Variants in ZMYM4 observed in about 807,000 individuals in gnomAD.
ZMYM4 encodes zinc finger MYM-type containing 4.
A neutral mutation model predicts 183.2 loss-of-function variants in ZMYM4; 31 were observed. That is an observed-to-expected ratio of 0.17 (90% CI 0.13 to 0.23). The LOEUF is 0.23. Ranked by LOEUF, ZMYM4 falls within the 10% of genes least tolerant of loss-of-function variation. ZMYM4 has a pLI of 1.00. For synonymous variants in ZMYM4, 592 were observed against 631.2 expected (o/e 0.94, Z 0.93); for missense variants, 1,273 against 1,840.3 (o/e 0.69, Z 5.64).
chr1:35,270,355 A>G (rs6679289), intron 1 of ZMYM4, among the ~76,000 whole-genome samples: 9,552 of 152,254 alleles, frequency 0.063, 910 homozygotes, highest in East Asian at 0.44. Flanking sequence ...AAGAAGTGTC[A>G]AGTATTATTT....
Position 35,381,716 on chromosome 1 carries a change from TAAG to T in ZMYM4, c.1531_1533del (p.Lys511del). The T allele has an allele frequency of 6.2e-7, 1 of 1,614,234 alleles. No homozygotes were observed. The highest frequency in any genetic ancestry group is 8.5e-7 in the Non-Finnish European group (1 of 1,180,044). ...ACATGCTTCAGATAGAGGGACAGTCTAAGAAGTTTTGTAGTTCATCGTGTATCA... is the reference window on the plus strand; with the variant it reads ...ACATGCTTCAGATAGAGGGACAGTCTAAGTTTTGTAGTTCATCGTGTATCA... On this transcript the variant is annotated inframe_deletion, in exon 9 of 30. Coordinates refer to ENST00000314607, the MANE Select transcript of ZMYM4 (RefSeq NM_005095.3).
At chr1:35,290,572 G>C (rs1478103204) in intron 1 of ZMYM4, among the ~76,000 whole-genome samples, 3 of 152,084 alleles carry the variant, frequency 2.0e-5, no homozygotes, top group African/African-American at 7.2e-5. Context: ...TAGGACTAGA[G>C]GTGCATGCCA....
chr1:35,410,456 A>T (rs199888706), intron 26 of ZMYM4, among the ~76,000 whole-genome samples: 1 of 151,120 alleles, frequency 6.6e-6, no homozygotes. Flanking sequence ...TGACAAATAT[A>T]TATTTATTTA....
intron 1 of ZMYM4, among the ~76,000 whole-genome samples, chr1:35,307,476 T>TA (rs914311928): frequency 2.7e-5 from 4 of 150,750 alleles, no homozygotes; most frequent in South Asian, 2.1e-4. Flanking sequence ...TGCAGTACTT[T>TA]AAAAAAAAAT....
At position 35,339,931 on chromosome 1, in the gene ZMYM4, T is replaced by C. The variant is rs182631295; in HGVS notation, c.85+14526T>C. Among the ~76,000 whole-genome samples the C allele has an allele frequency of 5.3e-4, 80 of 151,918 alleles. No individual in the cohort carries two copies. The Middle Eastern group carries it at 0.01, about 19-fold the overall frequency. ...GGCATTTCCCCACATTCTCAGTTAA[T>C]GTTTTCTTGGACTGTTTGTTTGTTT... On this transcript the variant is annotated intron_variant, in intron 2 of 29. Transcript: ENST00000314607.
intron 27 of ZMYM4, 26 bp downstream of exon 27, chr1:35,414,109 T>C: frequency 7.7e-7 from 1 of 1,302,000 alleles, no homozygotes; most frequent in South Asian, 1.3e-5. Flanking sequence ...TTTTATTGTT[T>C]TCATGATATG....
intron 1 of ZMYM4, among the ~76,000 whole-genome samples, chr1:35,279,181 A>T (rs1422458228): frequency 1.3e-5 from 2 of 152,146 alleles, no homozygotes; most frequent in Non-Finnish European, 2.9e-5. Flanking sequence ...GAAGGGTTGC[A>T]CATGTTTGTA....
chr1:35,331,924 G>A (rs1321454775), intron 2 of ZMYM4, among the ~76,000 whole-genome samples: 1 of 151,802 alleles, frequency 6.6e-6, no homozygotes, highest in Non-Finnish European at 1.5e-5. Flanking sequence ...TAGGATAAGA[G>A]GGTGGTAAAA....
Position 35,397,508 on chromosome 1 carries a change from T to A in ZMYM4, c.3162T>A (p.Ile1054=). The change falls in exon 20 of 30, where the codon ATT becomes ATA. Residue 1054 remains isoleucine, a synonymous_variant. Transcript: ENST00000314607. Reference sequence around the variant, plus strand: ...ATCTCCTTGAGATGGCAGAAATGATTGCAGAAGATGAAGAGAAGAAGACTC... The same window carrying A: ...ATCTCCTTGAGATGGCAGAAATGATAGCAGAAGATGAAGAGAAGAAGACTC... ...EADLLEMAEM[I]AEDEEKKTLS... The A allele has an allele frequency of 6.2e-7, 1 of 1,613,252 alleles. No homozygotes were observed. The highest frequency in any genetic ancestry group is 8.5e-7 in the Non-Finnish European group (1 of 1,179,568).
chr1:35,393,120 G>A (rs1407693322), intron 17 of ZMYM4, among the ~76,000 whole-genome samples: 3 of 152,074 alleles, frequency 2.0e-5, no homozygotes, highest in African/African-American at 7.2e-5. Flanking sequence ...AATAAATAAT[G>A]AGAAAAACTT....
chr1:35,322,607 TA>T (rs1404762654), intron 1 of ZMYM4, among the ~76,000 whole-genome samples: 1 of 152,174 alleles, frequency 6.6e-6, no homozygotes, highest in Non-Finnish European at 1.5e-5. Flanking sequence ...AAAGTTTCAG[TA>T]GAAATAGTGC....
chr1:35,319,416 G>C (rs554317359), intron 1 of ZMYM4, among the ~76,000 whole-genome samples: 1 of 152,212 alleles, frequency 6.6e-6, no homozygotes, highest in Non-Finnish European at 1.5e-5. Context: ...GAGGCCAGGA[G>C]TTCAAGACCA....
chr1:35,370,695 CA>C, intron 7 of ZMYM4, 68 bp downstream of exon 7: 1 of 662,546 alleles, frequency 1.5e-6, no homozygotes, highest in Non-Finnish European at 2.2e-6. Flanking sequence ...GTTCTTAGGT[CA>C]TGTATTACAT....
intron 13 of ZMYM4, among the ~76,000 whole-genome samples, chr1:35,388,386 G>T (rs1037482822): frequency 6.6e-6 from 1 of 152,116 alleles, no homozygotes; most frequent in Non-Finnish European, 1.5e-5. Flanking sequence ...TGTATTTTTA[G>T]TAGAGACAGG....
chr1:35,404,926 A>G, intron 23 of ZMYM4, 97 bp from the exon 24 acceptor site: 1 of 1,231,136 alleles, frequency 8.1e-7, no homozygotes, highest in South Asian at 2.0e-5. Context: ...TAAATTCTTT[A>G]TTCTACAAAT....
At chr1:35,299,758 C>T (rs894951407) in intron 1 of ZMYM4, among the ~76,000 whole-genome samples, 1 of 151,546 alleles carries the variant, frequency 6.6e-6, no homozygotes, top group Non-Finnish European at 1.5e-5. Flanking sequence ...TGATTGGTTG[C>T]AGAAAGCAAC....
chr1:35,395,421 C>A (rs1644791809), intron 18 of ZMYM4, among the ~76,000 whole-genome samples: 1 of 151,856 alleles, frequency 6.6e-6, no homozygotes, highest in African/African-American at 2.4e-5. Flanking sequence ...CATGGTGGGA[C>A]CCCCATCTGT....
At chr1:35,283,965 T>C (rs1640334033) in intron 1 of ZMYM4, among the ~76,000 whole-genome samples, 2 of 148,320 alleles carry the variant, frequency 1.3e-5, no homozygotes, top group Non-Finnish European at 3.1e-5. Context: ...CAAAAGTTTT[T>C]TTGTTTTTTT....
chr1:35,357,172 G>C (rs963976037), intron 2 of ZMYM4, among the ~76,000 whole-genome samples: 1 of 152,216 alleles, frequency 6.6e-6, no homozygotes, highest in African/African-American at 2.4e-5. Context: ...TTATAGGTGT[G>C]AGCCACTGTG....
Sources: gnomAD v4.1 joint callset for allele counts (sites outside exome capture counted in the v4.1 genomes callset) on GRCh38, gnomAD v4.1.1 for gene constraint, MANE v1.5 for transcripts, NCBI Gene and HGNC (gene_info 2026-07-23, HGNC 2026-07-21) for gene names.